Variants in PHACTR1 observed in about 807,000 individuals in gnomAD.
PHACTR1 encodes the protein phosphatase and actin regulator 1.
PHACTR1 carries 16 observed loss-of-function variants against 69.2 expected under a neutral mutation model. The ratio of observed to expected loss-of-function variants is 0.23; its 90% CI spans 0.16 to 0.35. The LOEUF is 0.35. Among genes scored for constraint, PHACTR1 ranks in the 10% least tolerant of loss-of-function variants. The probability of loss-of-function intolerance (pLI) is 1.00; values close to 1 mark genes in which losing one functional copy is unlikely to be tolerated. For missense variants in PHACTR1, 510 were observed against 734.7 expected, an observed-to-expected ratio of 0.69 and a Z score of 3.54; for synonymous variants, 312 against 284.5, an observed-to-expected ratio of 1.10 and a Z score of -0.97.
chr6:12,759,877 T>C (rs1581628266), intron 4 of PHACTR1, among the ~76,000 whole-genome samples: 1 of 152,174 alleles, frequency 6.6e-6, no homozygotes, highest in African/African-American at 2.4e-5. Flanking sequence ...AGAGCCAGAC[T>C]TCCTGGGTTC....
At chr6:13,075,475 T>C (rs1347764524) in intron 5 of PHACTR1, among the ~76,000 whole-genome samples, 1 of 152,182 alleles carries the variant, frequency 6.6e-6, no homozygotes, top group African/African-American at 2.4e-5. Flanking sequence ...GTTACTGACT[T>C]GAGGTTCTTT....
At chr6:13,102,496 A>C (rs1431109537) in intron 5 of PHACTR1, among the ~76,000 whole-genome samples, 1 of 152,196 alleles carries the variant, frequency 6.6e-6, no homozygotes, top group South Asian at 2.1e-4. Flanking sequence ...AGACAGGGAG[A>C]ACTTCAGCAT....
chr6:12,747,965 C>T (rs1766021849), intron 3 of PHACTR1, among the ~76,000 whole-genome samples: 1 of 152,052 alleles, frequency 6.6e-6, no homozygotes, highest in African/African-American at 2.4e-5. Context: ...GATAGCCTAG[C>T]AAAGGATGGG....
At chr6:13,068,905 T>C (rs1269698590) in intron 5 of PHACTR1, among the ~76,000 whole-genome samples, 1 of 152,082 alleles carries the variant, frequency 6.6e-6, no homozygotes, top group Non-Finnish European at 1.5e-5. Context: ...GGAGCGACCT[T>C]CTACTTTACG....
intron 4 of PHACTR1, among the ~76,000 whole-genome samples, chr6:13,030,629 T>C (rs1317082099): frequency 6.6e-6 from 1 of 152,248 alleles, no homozygotes; most frequent in African/African-American, 2.4e-5. Flanking sequence ...TCAAGGCATT[T>C]GCTTTTCAAA....
intron 5 of PHACTR1, among the ~76,000 whole-genome samples, chr6:13,064,615 T>C (rs1808320300): frequency 1.9e-4 from 2 of 10,330 alleles, no homozygotes; most frequent in Non-Finnish European, 1.6e-4. Context: ...TCTATATATC[T>C]ATCTATCCAC....
At chr6:13,240,057 A>AAAT (rs1482045211) in intron 10 of PHACTR1, among the ~76,000 whole-genome samples, 2 of 152,132 alleles carry the variant, frequency 1.3e-5, no homozygotes, top group African/African-American at 4.8e-5. Context: ...CTTTAAAAAA[A>AAAT]AAAAAAAGTG....
chr6:13,164,035 C>T (rs1437394192), intron 6 of PHACTR1, among the ~76,000 whole-genome samples: 2 of 152,054 alleles, frequency 1.3e-5, no homozygotes, highest in African/African-American at 4.8e-5. Context: ...ACATCACTGT[C>T]CCCTTTTGTC....
intron 8 of PHACTR1, 35 bp downstream of exon 8, chr6:13,206,171 G>T: frequency 1.3e-6 from 2 of 1,511,706 alleles, no homozygotes; most frequent in Non-Finnish European, 8.9e-7. Flanking sequence ...GACGGGAGGA[G>T]AGGGGTTGGC....
At chr6:13,162,147 T>C (rs1759117565) in intron 6 of PHACTR1, among the ~76,000 whole-genome samples, 2 of 152,040 alleles carry the variant, frequency 1.3e-5, no homozygotes, top group South Asian at 4.2e-4. Flanking sequence ...TCGCCCAGGC[T>C]GGAGTGCAAT....
intron 4 of PHACTR1, among the ~76,000 whole-genome samples, chr6:12,815,903 G>C (rs1393417229): frequency 6.6e-6 from 1 of 152,198 alleles, no homozygotes; most frequent in East Asian, 1.9e-4. Flanking sequence ...AAGGCAGGTT[G>C]CTGTGGGTTT....
At chr6:12,822,954 G>T (rs527460636) in intron 4 of PHACTR1, among the ~76,000 whole-genome samples, 10 of 152,168 alleles carry the variant, frequency 6.6e-5, no homozygotes, top group Non-Finnish European at 1.2e-4. Flanking sequence ...CTGGGTCAGG[G>T]ATATGAGTGG....
intron 4 of PHACTR1, among the ~76,000 whole-genome samples, chr6:12,931,230 C>T (rs1162613320): frequency 6.6e-6 from 1 of 152,114 alleles, no homozygotes; most frequent in African/African-American, 2.4e-5. Context: ...TGTGACTTTT[C>T]AGAGAGTGAG....
chr6:12,801,754 G>T (rs1056965606), intron 4 of PHACTR1, among the ~76,000 whole-genome samples: 4 of 152,142 alleles, frequency 2.6e-5, no homozygotes, highest in African/African-American at 9.7e-5. Flanking sequence ...AAAACTGTCT[G>T]CAAATGAGAA....
intron 12 of PHACTR1, among the ~76,000 whole-genome samples, chr6:13,282,151 G>C: frequency 6.6e-6 from 1 of 152,188 alleles, no homozygotes; most frequent in Non-Finnish European, 1.5e-5. Context: ...ACTCCATTGT[G>C]TTTGTTTTAC....
chr6:13,111,490 T>A (rs1460918550), intron 5 of PHACTR1, among the ~76,000 whole-genome samples: 1 of 152,166 alleles, frequency 6.6e-6, no homozygotes, highest in East Asian at 1.9e-4. Context: ...AAAACAGCCA[T>A]TCCCTGTCGC....
At chr6:13,105,351 C>T (rs1334297941) in intron 5 of PHACTR1, among the ~76,000 whole-genome samples, 1 of 152,046 alleles carries the variant, frequency 6.6e-6, no homozygotes, top group Non-Finnish European at 1.5e-5. Flanking sequence ...TGCATTCCAC[C>T]CTGGGTGAGA....
chr6:13,166,915 C>T (rs1309013539), intron 6 of PHACTR1, among the ~76,000 whole-genome samples: 1 of 152,104 alleles, frequency 6.6e-6, no homozygotes, highest in Non-Finnish European at 1.5e-5. Flanking sequence ...TATGAATGGA[C>T]CTATGCAGCT....
intron 4 of PHACTR1, among the ~76,000 whole-genome samples, chr6:12,916,707 T>A (rs1267632011): frequency 6.6e-6 from 1 of 152,200 alleles, no homozygotes; most frequent in Non-Finnish European, 1.5e-5. Context: ...ATCATTTAGA[T>A]GGTCAGGATA....
Sources: allele counts gnomAD v4.1 joint callset (sites outside exome capture counted in the v4.1 genomes callset), GRCh38; gene constraint gnomAD v4.1.1; transcripts MANE v1.5; gene names NCBI Gene and HGNC (gene_info 2026-07-23, HGNC 2026-07-21).